PLCB1: variants seen among roughly 807,000 people sequenced by gnomAD.
PLCB1 encodes phospholipase C beta 1.
A neutral mutation model predicts 161.8 loss-of-function variants in PLCB1; 46 were observed. That is an observed-to-expected ratio of 0.28 (90% CI 0.22 to 0.36). PLCB1 has a LOEUF of 0.36. Ranked by LOEUF, PLCB1 falls within the 10% of genes least tolerant of loss-of-function variation. The probability of loss-of-function intolerance (pLI) is 1.00; values close to 1 mark genes in which losing one functional copy is unlikely to be tolerated. For missense variants in PLCB1, 1,016 were observed against 1,472.5 expected (o/e 0.69, Z 5.07); for synonymous variants, 517 against 503.7 (o/e 1.03, Z -0.35).
intron 2 of PLCB1, among the ~76,000 whole-genome samples, chr20:8,311,262 A>T (rs1032435998): frequency 1.3e-5 from 2 of 152,250 alleles, no homozygotes; most frequent in Non-Finnish European, 2.9e-5. Context: ...AGTGATCGTT[A>T]TCAAAGACTT....
At chr20:8,260,191 T>C (rs59823684) in intron 2 of PLCB1, among the ~76,000 whole-genome samples, 14,872 of 151,466 alleles carry the variant, frequency 0.098, 832 homozygotes, top group Middle Eastern at 0.16. Flanking sequence ...AGCAATCTTA[T>C]AGCCTCAGCC....
intron 31 of PLCB1, among the ~76,000 whole-genome samples, chr20:8,858,320 G>A (rs891898672): frequency 3.0e-4 from 45 of 152,140 alleles, no homozygotes; most frequent in African/African-American, 1.1e-3. Flanking sequence ...CTCAGTAATA[G>A]CATCTAAATA....
At chr20:8,199,533 A>T (rs1201427252) in intron 2 of PLCB1, among the ~76,000 whole-genome samples, 1 of 152,120 alleles carries the variant, frequency 6.6e-6, no homozygotes, top group Non-Finnish European at 1.5e-5. Context: ...TTTATTTTGA[A>T]GTTGAGCCTC....
intron 3 of PLCB1, among the ~76,000 whole-genome samples, chr20:8,593,738 GA>G (rs1475763229): frequency 6.6e-6 from 1 of 151,876 alleles, no homozygotes; most frequent in Non-Finnish European, 1.5e-5. Context: ...TGATAACTAA[GA>G]ATGTATCATT....
chr20:8,800,856 C>A (rs1320876418), intron 31 of PLCB1, among the ~76,000 whole-genome samples: 1 of 152,106 alleles, frequency 6.6e-6, no homozygotes, highest in Non-Finnish European at 1.5e-5. Flanking sequence ...GTCAAGACAT[C>A]TTTATAATTG....
intron 31 of PLCB1, among the ~76,000 whole-genome samples, chr20:8,807,497 G>A (rs550354235): frequency 3.3e-5 from 5 of 151,482 alleles, no homozygotes; most frequent in South Asian, 4.2e-4. Context: ...GTATATATGC[G>A]TGCTTATTTC....
At chr20:8,850,345 T>C (rs938903788) in intron 31 of PLCB1, among the ~76,000 whole-genome samples, 5 of 152,168 alleles carry the variant, frequency 3.3e-5, no homozygotes, top group African/African-American at 1.2e-4. Flanking sequence ...GTAGCACCAA[T>C]AGTGCTCATG....
intron 9 of PLCB1, among the ~76,000 whole-genome samples, chr20:8,681,428 A>G (rs901199290): frequency 6.6e-6 from 1 of 152,082 alleles, no homozygotes; most frequent in Non-Finnish European, 1.5e-5. Context: ...TTTCTGCCCT[A>G]TTGGCCTATG....
intron 2 of PLCB1, among the ~76,000 whole-genome samples, chr20:8,295,136 A>G (rs1983571950): frequency 6.6e-6 from 1 of 152,176 alleles, no homozygotes; most frequent in African/African-American, 2.4e-5. Context: ...TTAACACAGA[A>G]TTTTAACAAG....
intron 18 of PLCB1, among the ~76,000 whole-genome samples, chr20:8,730,780 T>C (rs1230372190): frequency 6.6e-6 from 1 of 151,818 alleles, no homozygotes; most frequent in Non-Finnish European, 1.5e-5. Context: ...GCAAAATCAC[T>C]TGTCTTCATT....
At chr20:8,178,366 T>C (rs999982237) in intron 2 of PLCB1, among the ~76,000 whole-genome samples, 1 of 152,106 alleles carries the variant, frequency 6.6e-6, no homozygotes, top group Admixed American at 6.5e-5. Flanking sequence ...TGTCTCATTG[T>C]GGTTTTGATT....
chr20:8,406,633 C>T (rs187126930), intron 3 of PLCB1, among the ~76,000 whole-genome samples: 2 of 152,252 alleles, frequency 1.3e-5, no homozygotes, highest in Admixed American at 6.5e-5. Flanking sequence ...ATTCCATCTA[C>T]ATAAGAGCCT....
chr20:8,880,458 G>A (rs944471125), intron 31 of PLCB1, among the ~76,000 whole-genome samples: 1 of 152,178 alleles, frequency 6.6e-6, no homozygotes, highest in East Asian at 1.9e-4. Flanking sequence ...GACACATTAA[G>A]AGACAGTTTA....
intron 3 of PLCB1, among the ~76,000 whole-genome samples, chr20:8,620,428 A>G (rs1050301462): frequency 3.3e-5 from 5 of 152,066 alleles, no homozygotes; most frequent in African/African-American, 4.8e-5. Context: ...CAGAGCCGGA[A>G]CTCAAAGCCA....
chr20:8,793,924 A>G (rs1028212009), intron 31 of PLCB1, among the ~76,000 whole-genome samples: 1 of 152,186 alleles, frequency 6.6e-6, no homozygotes, highest in African/African-American at 2.4e-5. Flanking sequence ...GGGCCAGTTT[A>G]GAGACCCACC....
intron 31 of PLCB1, among the ~76,000 whole-genome samples, chr20:8,844,215 G>A (rs563336436): frequency 3.7e-4 from 56 of 152,286 alleles, no homozygotes; most frequent in Non-Finnish European, 7.1e-4. Context: ...CAACTCTGCC[G>A]TTGTCCTTTT....
At chr20:8,644,736 C>T (rs1989104844) in intron 4 of PLCB1, among the ~76,000 whole-genome samples, 1 of 151,336 alleles carries the variant, frequency 6.6e-6, no homozygotes, top group African/African-American at 2.4e-5. Flanking sequence ...GCCAGCCGCC[C>T]CGCCCGGGAG....
rs186373265 is a variant in PLCB1, at chr20:8,823,954, G to A, written c.3423+33693G>A. On this transcript the variant is annotated intron_variant, in intron 31 of 31. Transcript: ENST00000338037. ...CCTTAACATTTACTCCTGGTTCTCGGTGGGTTTGTCAGCATCTCACAGGGT... is the reference window on the plus strand; with the variant it reads ...CCTTAACATTTACTCCTGGTTCTCGATGGGTTTGTCAGCATCTCACAGGGT... 2.2e-3 allele frequency among the ~76,000 whole-genome samples: 334 copies of A among 151,978 alleles called. 3 individuals are homozygous for A. The highest frequency in any genetic ancestry group is 0.019 in the Admixed American group (291 of 15,272).
intron 3 of PLCB1, among the ~76,000 whole-genome samples, chr20:8,589,222 C>A (rs536641078): frequency 6.6e-6 from 1 of 152,304 alleles, no homozygotes; most frequent in South Asian, 2.1e-4. Flanking sequence ...TTCATTCAAC[C>A]AATAATTGAA....
Sources: gnomAD v4.1 joint callset for allele counts (sites outside exome capture counted in the v4.1 genomes callset) on GRCh38, gnomAD v4.1.1 for gene constraint, MANE v1.5 for transcripts, NCBI Gene and HGNC (gene_info 2026-07-23, HGNC 2026-07-21) for gene names.